The following AK4 variants were observed in gnomAD, a reference collection of about 807,000 sequenced individuals.
AK4 encodes adenylate kinase 4, mitochondrial.
In AK4, 13 loss-of-function variants were observed where a neutral mutation model predicts 24.6. The ratio of observed to expected loss-of-function variants is 0.53; its 90% confidence interval spans 0.34 to 0.84. The LOEUF is 0.84. Among genes scored for constraint, AK4 ranks in the 40% least tolerant of loss-of-function variants. The pLI, the probability that AK4 is intolerant of heterozygous loss-of-function variation, is 0.01. For missense variants in AK4, 192 were observed against 288.2 expected (o/e 0.67, Z 2.42); for synonymous variants, 88 against 107.0 (o/e 0.82, Z 1.10).
At chr1:65,158,650 G>A (rs1359088781) in intron 1 of AK4, among the ~76,000 whole-genome samples, 1 of 152,026 alleles carries the variant, frequency 6.6e-6, no homozygotes, top group Non-Finnish European at 1.5e-5. Context: ...ACAGGCTCCT[G>A]CCACCATGAC....
At chr1:65,178,467 G>C (rs773826151) in intron 1 of AK4, among the ~76,000 whole-genome samples, 5 of 152,152 alleles carry the variant, frequency 3.3e-5, no homozygotes, top group Non-Finnish European at 7.4e-5. Flanking sequence ...TCAGCTGGGG[G>C]CCCACAGGGC....
At chr1:65,224,673 G>C in intron 3 of AK4, 79 bp from the exon 4 acceptor site, 1 of 1,069,378 alleles carries the variant, frequency 9.4e-7, no homozygotes, top group Non-Finnish European at 1.4e-6. Context: ...ATGAATACAT[G>C]GTTTTGCACA....
At chr1:65,157,249 G>T (rs1250209083) in intron 1 of AK4, among the ~76,000 whole-genome samples, 1 of 152,198 alleles carries the variant, frequency 6.6e-6, no homozygotes, top group Non-Finnish European at 1.5e-5. Context: ...GGACTCACAG[G>T]AGTCCTGGGA....
At chr1:65,183,102 T>A (rs2375598) in intron 1 of AK4, among the ~76,000 whole-genome samples, 51,899 of 152,058 alleles carry the variant, frequency 0.34, 10,011 homozygotes, top group African/African-American at 0.52. Context: ...ATGAGTATTT[T>A]GTGGATTTAA....
chr1:65,195,630 G>A (rs745437901), intron 2 of AK4, among the ~76,000 whole-genome samples: 1 of 152,152 alleles, frequency 6.6e-6, no homozygotes, highest in African/African-American at 2.4e-5. Context: ...CCACTTTCTG[G>A]CAGCCTGTGT....
Position 65,218,767 on chromosome 1 carries a change from A to G in AK4, c.279A>G (p.Thr93=), listed in dbSNP as rs1399091605. The change falls in exon 3 of 5, where the codon ACA becomes ACG. Residue 93 remains threonine, a synonymous_variant. Transcript: ENST00000327299. ...CTTTGCATTTAGGTTTTCCTAGGAC[A>G]TTAGGACAAGCCGAAGCCCTGGACA... is the stretch of plus-strand genomic sequence containing the variant. ...QHWLLDGFPR[T]LGQAEALDKI... is the part of the protein sequence containing the mutation. The G allele has an allele frequency of 3.1e-6, 5 of 1,588,574 alleles. No homozygotes were observed. The highest frequency in any genetic ancestry group is 4.3e-6 in the Non-Finnish European group (5 of 1,168,914).
At chr1:65,183,650 C>CGTGTGTGT (rs56067788) in intron 1 of AK4, among the ~76,000 whole-genome samples, 54 of 140,810 alleles carry the variant, frequency 3.8e-4, no homozygotes, top group East Asian at 1.9e-3. Flanking sequence ...TATAAATATC[C>CGTGTGTGT]GTGTGTGTGT....
At chr1:65,160,659 A>G (rs887938589) in intron 1 of AK4, among the ~76,000 whole-genome samples, 2 of 152,104 alleles carry the variant, frequency 1.3e-5, no homozygotes, top group Admixed American at 1.3e-4. Flanking sequence ...GAGTGGTGCA[A>G]TATTGGCTCA....
intron 1 of AK4, among the ~76,000 whole-genome samples, chr1:65,182,229 C>T (rs189695535): frequency 5.9e-5 from 9 of 152,162 alleles, no homozygotes; most frequent in African/African-American, 9.6e-5. Context: ...TTCAAGGGTA[C>T]GATGTTTGTA....
At chr1:65,159,904 G>A (rs1650101059) in intron 1 of AK4, among the ~76,000 whole-genome samples, 1 of 148,664 alleles carries the variant, frequency 6.7e-6, no homozygotes, top group Non-Finnish European at 1.5e-5. Context: ...GGAGGCGGAG[G>A]TTGTAGTGAG....
chr1:65,171,813 A>C (rs1162029945), intron 1 of AK4, among the ~76,000 whole-genome samples: 1 of 151,676 alleles, frequency 6.6e-6, no homozygotes, highest in Non-Finnish European at 1.5e-5. Flanking sequence ...CATGCCTATA[A>C]TCCCAGCACT....
intron 1 of AK4, among the ~76,000 whole-genome samples, chr1:65,169,990 G>A (rs1284717386): frequency 1.3e-5 from 2 of 152,032 alleles, no homozygotes; most frequent in Non-Finnish European, 2.9e-5. Context: ...TTTTGTAGAG[G>A]AAATGAATTT....
At chr1:65,207,019 A>G (rs971679896) in intron 2 of AK4, among the ~76,000 whole-genome samples, 6 of 152,130 alleles carry the variant, frequency 3.9e-5, no homozygotes, top group Non-Finnish European at 7.3e-5. Context: ...CCATTTGGGA[A>G]TTTCCCCAAG....
intron 2 of AK4, 55 bp downstream of exon 2, chr1:65,190,884 G>T (rs1292469783): frequency 8.2e-6 from 13 of 1,587,232 alleles, no homozygotes; most frequent in Non-Finnish European, 1.1e-5. Flanking sequence ...TTAAGGTCTT[G>T]CACACTCCCT....
intron 1 of AK4, among the ~76,000 whole-genome samples, chr1:65,184,096 A>T (rs947690852): frequency 6.6e-6 from 1 of 152,224 alleles, no homozygotes; most frequent in Non-Finnish European, 1.5e-5. Context: ...TGATCTAGTT[A>T]GAAATTGAAA....
intron 1 of AK4, among the ~76,000 whole-genome samples, chr1:65,183,485 C>T (rs1650977043): frequency 6.6e-6 from 1 of 152,040 alleles, no homozygotes; most frequent in South Asian, 2.1e-4. Flanking sequence ...CTTGGGCAAC[C>T]CACCCAACCT....
intron 3 of AK4, among the ~76,000 whole-genome samples, chr1:65,222,341 A>G (rs1015912519): frequency 3.0e-4 from 46 of 152,238 alleles, no homozygotes; most frequent in Admixed American, 2.7e-3. Context: ...TTGCTTGTCT[A>G]TGTCTGCAGC....
rs3051712 is a variant in AK4 at position 65,172,063 on chromosome 1, G to GTATATATATATATATATATATATA, written c.146-18629_146-18606dup. Among the ~76,000 whole-genome samples the GTATATATATATATATATATATATA allele has an allele frequency of 2.9e-4, 19 of 65,754 alleles. 1 individual carries two copies. The highest frequency in any genetic ancestry group is 6.3e-4 in the Non-Finnish European group (16 of 25,442). The allele number at this position is 65,754 out of a possible 152,430, so 43.1% of individuals were successfully genotyped here. ...GCAACAGAGAGAGACTCCATCTCAA[G>GTATATATATATATATATATATATA]TATATATATATATATATATATATAT... On this transcript the variant is annotated intron_variant, in intron 1 of 4. Transcript: ENST00000327299.
chr1:65,152,780 C>G (rs1649844791), intron 1 of AK4, among the ~76,000 whole-genome samples: 1 of 152,014 alleles, frequency 6.6e-6, no homozygotes, highest in Admixed American at 6.6e-5. Flanking sequence ...TGGGCCCAGC[C>G]TCTTTTTGAA....
Sources: gnomAD v4.1 joint callset for allele counts (sites outside exome capture counted in the v4.1 genomes callset) on GRCh38, gnomAD v4.1.1 for gene constraint, MANE v1.5 for transcripts, NCBI Gene and HGNC (gene_info 2026-07-23, HGNC 2026-07-21) for gene names.